Variants in LRBA observed in about 807,000 individuals in gnomAD.
The protein encoded by LRBA is lipopolysaccharide-responsive and beige-like anchor protein.
Under a neutral mutation model 330.0 loss-of-function variants are expected in LRBA, and 176 were observed. The ratio of observed to expected loss-of-function variants is 0.53; its 90% confidence interval spans 0.47 to 0.60. The LOEUF (loss-of-function observed/expected upper bound fraction) is 0.60. Ranked by LOEUF, LRBA falls within the 20% of genes least tolerant of loss-of-function variation. LRBA has a pLI of 0.00. For synonymous variants in LRBA, 1,230 were observed against 1,193.0 expected (o/e 1.03, Z -0.64); for missense variants, 3,259 against 3,444.8 (o/e 0.95, Z 1.35).
At chr4:150,568,097 G>C (rs1769369625) in intron 40 of LRBA, among the ~76,000 whole-genome samples, 1 of 152,056 alleles carries the variant, frequency 6.6e-6, no homozygotes, top group African/African-American at 2.4e-5. Context: ...CTTGAGTCCA[G>C]GATTTCAAGA....
At chr4:150,540,951 GA>G (rs1765254641) in intron 40 of LRBA, among the ~76,000 whole-genome samples, 1 of 152,176 alleles carries the variant, frequency 6.6e-6, no homozygotes, top group Non-Finnish European at 1.5e-5. Flanking sequence ...TAGAGCAGCG[GA>G]AATCATAACC....
intron 34 of LRBA, among the ~76,000 whole-genome samples, chr4:150,775,805 G>GAAAAAAAAAAAAAA (rs35161747): frequency 2.7e-4 from 16 of 59,980 alleles, no homozygotes; most frequent in African/African-American, 3.0e-4. Context: ...AAGAAAGAAT[G>GAAAAAAAAAAAAAA]AAAAAAAAAA....
At chr4:150,569,269 T>C (rs1376007792) in intron 40 of LRBA, among the ~76,000 whole-genome samples, 1 of 152,108 alleles carries the variant, frequency 6.6e-6, no homozygotes, top group African/African-American at 2.4e-5. Context: ...TGTGTTAGAT[T>C]AGTGACCTAA....
At chr4:150,277,793 C>T (rs763557581) in intron 56 of LRBA, 60 bp downstream of exon 56, 34 of 1,538,066 alleles carry the variant, frequency 2.2e-5, no homozygotes, top group African/African-American at 4.1e-5. Context: ...TAAGCCAACA[C>T]GACCAGTCCC....
intron 30 of LRBA, among the ~76,000 whole-genome samples, chr4:150,821,106 T>C (rs939976806): frequency 1.3e-4 from 20 of 152,140 alleles, no homozygotes; most frequent in Admixed American, 6.6e-4. Context: ...CAAATTGAAA[T>C]CTTTTTTAAT....
chr4:150,663,391 CAA>C (rs1210697010), intron 37 of LRBA, among the ~76,000 whole-genome samples: 2 of 151,708 alleles, frequency 1.3e-5, no homozygotes, highest in South Asian at 2.1e-4. Flanking sequence ...AGAAGGTGCA[CAA>C]AAGAGTATCA....
At chr4:150,480,799 G>A (rs1178859026) in intron 42 of LRBA, among the ~76,000 whole-genome samples, 3 of 152,064 alleles carry the variant, frequency 2.0e-5, no homozygotes, top group Admixed American at 2.0e-4. Context: ...AGGTAATTAG[G>A]ACACCCATTA....
intron 36 of LRBA, among the ~76,000 whole-genome samples, chr4:150,727,768 A>T (rs893549337): frequency 9.9e-5 from 15 of 152,152 alleles, no homozygotes; most frequent in Admixed American, 2.6e-4. Flanking sequence ...AAAAAAAGAA[A>T]ATCTTCAAAT....
chr4:150,861,872 T>C (rs909690191), intron 22 of LRBA, among the ~76,000 whole-genome samples: 3 of 151,992 alleles, frequency 2.0e-5, no homozygotes, highest in African/African-American at 7.3e-5. Context: ...TCCCAGCTAC[T>C]TGGGAGGCTG....
intron 37 of LRBA, among the ~76,000 whole-genome samples, chr4:150,642,430 A>C (rs1289010716): frequency 6.6e-6 from 1 of 151,962 alleles, no homozygotes; most frequent in East Asian, 1.9e-4. Flanking sequence ...TTAATACTAA[A>C]ATATTCATAT....
chr4:150,339,893 A>G (rs539907265), intron 48 of LRBA, among the ~76,000 whole-genome samples: 49 of 140,824 alleles, frequency 3.5e-4, no homozygotes, highest in African/African-American at 1.3e-3. Flanking sequence ...CTGCGTCCCT[A>G]CCCAAATCTC....
chr4:150,670,192 CA>C, intron 37 of LRBA, among the ~76,000 whole-genome samples: 2 of 152,240 alleles, frequency 1.3e-5, no homozygotes, highest in South Asian at 2.1e-4. Context: ...TTGTATTGTA[CA>C]GTACTGTGGT....
intron 22 of LRBA, 41 bp downstream of exon 22, chr4:150,867,630 A>G (rs756537652): frequency 6.8e-7 from 1 of 1,469,072 alleles, no homozygotes; most frequent in Non-Finnish European, 9.1e-7. Flanking sequence ...AAAATTATAG[A>G]TATTTAAAAT....
At chr4:150,395,146 G>C (rs1289590050) in intron 47 of LRBA, among the ~76,000 whole-genome samples, 1 of 151,924 alleles carries the variant, frequency 6.6e-6, no homozygotes, top group Non-Finnish European at 1.5e-5. Flanking sequence ...TACTAAAGAA[G>C]ATAAAAATGG....
intron 36 of LRBA, among the ~76,000 whole-genome samples, chr4:150,694,690 CTCCCT>C: frequency 6.6e-6 from 1 of 151,702 alleles, no homozygotes; most frequent in Non-Finnish European, 1.5e-5. Context: ...CAACCCCCTC[CTCCCT>C]TCCCCCCATA....
intron 40 of LRBA, among the ~76,000 whole-genome samples, chr4:150,574,464 C>G (rs1192929492): frequency 6.6e-6 from 1 of 151,856 alleles, no homozygotes; most frequent in African/African-American, 2.4e-5. Flanking sequence ...TTACCTAGTC[C>G]AACCCACTCA....
intron 48 of LRBA, among the ~76,000 whole-genome samples, chr4:150,336,067 T>C (rs1246907366): frequency 6.6e-6 from 1 of 152,232 alleles, no homozygotes; most frequent in East Asian, 1.9e-4. Context: ...CATATATTTT[T>C]AACTTTTATT....
At chr4:150,762,150 A>G (rs1298533151) in intron 34 of LRBA, among the ~76,000 whole-genome samples, 4 of 151,962 alleles carry the variant, frequency 2.6e-5, no homozygotes, top group Admixed American at 6.6e-5. Context: ...AAAGAAAACC[A>G]AGGACAAATA....
intron 47 of LRBA, among the ~76,000 whole-genome samples, chr4:150,405,320 A>T (rs1746035132): frequency 6.6e-6 from 1 of 152,214 alleles, no homozygotes. Flanking sequence ...TTAATTTCAG[A>T]AAGAATTCTC....
Sources: allele counts gnomAD v4.1 joint callset (sites outside exome capture counted in the v4.1 genomes callset), GRCh38; gene constraint gnomAD v4.1.1; transcripts MANE v1.5; gene names NCBI Gene and HGNC (gene_info 2026-07-23, HGNC 2026-07-21).